The following CYP2A13 variants were observed in gnomAD, a reference collection of about 807,000 sequenced individuals.
CYP2A13 encodes the protein cytochrome P450 2A13.
CYP2A13 carries 30 observed loss-of-function variants against 39.4 expected under a neutral mutation model. The observed-to-expected ratio is 0.76, with a 90% CI of 0.57 to 1.03. The LOEUF (loss-of-function observed/expected upper bound fraction) is 1.03, where lower values mean the gene tolerates loss of function less well. CYP2A13 is among the 50% of genes least tolerant of loss of function. The pLI, the probability that CYP2A13 is intolerant of heterozygous loss-of-function variation, is 0.00. For missense variants in CYP2A13, 731 were observed against 648.4 expected, an observed-to-expected ratio of 1.13 and a Z score of -1.38; for synonymous variants, 269 against 254.7, an observed-to-expected ratio of 1.06 and a Z score of -0.54.
chr19:41,092,017 A>C, intron 5 of CYP2A13, 109 bp downstream of exon 5: 2 of 1,497,696 alleles, frequency 1.3e-6, no homozygotes, highest in Non-Finnish European at 1.8e-6. Flanking sequence ...CCCTCGTCAT[A>C]ATAATCCTTA....
chr19:41,091,910 TA>T lies in CYP2A13; in HGVS notation c.831+3del. The T allele has an allele frequency of 1.9e-6, 3 of 1,613,924 alleles. No individual in the cohort carries two copies. The highest frequency in any genetic ancestry group is 2.5e-6 in the Non-Finnish European group (3 of 1,179,922). Reference sequence around the variant, plus strand: ...TCCTTTCTCATCCGCATGCAGGAGGTACATCCCAGCAGCCAGTGCAGGCAGG... The same window carrying T: ...TCCTTTCTCATCCGCATGCAGGAGGTCATCCCAGCAGCCAGTGCAGGCAGG... On this transcript the variant is annotated splice_donor_region_variant and intron_variant, in intron 5 of 8. Coordinates refer to ENST00000330436, the MANE Select transcript of CYP2A13 (RefSeq NM_000766.5).
intron 4 of CYP2A13, among the ~76,000 whole-genome samples, chr19:41,091,004 T>A (rs1290909273): frequency 6.6e-6 from 1 of 152,188 alleles, no homozygotes; most frequent in Non-Finnish European, 1.5e-5. Context: ...TCTACACAAA[T>A]GTCACAGATT....
chr19:41,095,177 G>A (rs1263628201), intron 8 of CYP2A13, 77 bp downstream of exon 8: 1 of 1,612,474 alleles, frequency 6.2e-7, no homozygotes, highest in Admixed American at 1.7e-5. Context: ...CCTCTCTGCG[G>A]TGTAGCCTGG....
chr19:41,090,832 G>C (rs2144725180), intron 4 of CYP2A13, among the ~76,000 whole-genome samples: 1 of 152,222 alleles, frequency 6.6e-6, no homozygotes, highest in African/African-American at 2.4e-5. Flanking sequence ...TCTCTCACCT[G>C]GGCACATGTT....
Position 41,093,069 on chromosome 19 carries a change from G to A in CYP2A13, c.832-561G>A, listed in dbSNP as rs186142042. Among the ~76,000 whole-genome samples, 5 of 152,186 alleles carry A rather than the reference G, an allele frequency of 3.3e-5. No homozygotes were observed. In the East Asian group the frequency reaches 9.7e-4, roughly 29 times the overall value. Reference sequence around the variant, plus strand: ...CTGTACAAAAAAATGGCTAGGCATGGTGGTGCATGCCTGCGGTCCCAGCTA... The same window carrying A: ...CTGTACAAAAAAATGGCTAGGCATGATGGTGCATGCCTGCGGTCCCAGCTA... On this transcript the variant is annotated intron_variant, in intron 5 of 8. Transcript: ENST00000330436.
chr19:41,095,818 C>T lies in CYP2A13; in HGVS notation c.1362C>T (p.Thr454=). The part of the protein sequence containing the change: ...LARMELFLFF[T]TIMQNFRFKS... ...GAATGGAGCTCTTTCTCTTCTTCAC[C>T]ACCATCATGCAGAACTTTCGCTTCA... The change falls in exon 9 of 9, where the codon ACC becomes ACT. Residue 454 remains threonine (T), a synonymous_variant. Coordinates refer to ENST00000330436, the MANE Select transcript of CYP2A13 (RefSeq NM_000766.5). The T allele has an allele frequency of 6.2e-7, 1 of 1,614,130 alleles. No individual in the cohort carries two copies. Among genetic ancestry groups the T allele is most frequent in the South Asian group, 1.1e-5 (1 of 91,080 alleles).
At chr19:41,095,540 TGG>T (rs2031285189) in intron 8 of CYP2A13, among the ~76,000 whole-genome samples, 1 of 152,194 alleles carries the variant, frequency 6.6e-6, no homozygotes, top group East Asian at 1.9e-4. Flanking sequence ...ATGTAAACTA[TGG>T]ACTTTGGTTA....
chr19:41,093,874 G>A lies in CYP2A13; in HGVS notation c.973+103G>A, dbSNP rs538109813. On this transcript the variant is annotated intron_variant, in intron 6 of 8. Coordinates refer to ENST00000330436, the MANE Select transcript of CYP2A13 (RefSeq NM_000766.5). ...ATCCCAGATCCCAGGACCCTGAGAC[G>A]TGCCTTGCTGTCCAGAGACAGGACA... The A allele has an allele frequency of 1.1e-4, 150 of 1,348,418 alleles. 1 individual carries two copies. The African/African-American group carries it at 1.9e-3, about 17-fold the overall frequency. The allele number at this position is 1,348,418 out of a possible 1,614,324, so 83.5% of individuals were successfully genotyped here.
In CYP2A13 at chr19:41,094,412, C is replaced by T. The variant is rs147797134; in HGVS notation, c.1141C>T (p.Arg381Trp). The T allele has an allele frequency of 1.2e-3, 1,946 of 1,614,084 alleles. 3 individuals carry two copies. Among genetic ancestry groups the T allele is most frequent in the Non-Finnish European group, 1.5e-3 (1,806 of 1,180,004 alleles). Residue 381 changes from arginine to tryptophan, a missense_variant, in exon 7 of 9, where the codon CGG becomes TGG. Coordinates refer to ENST00000330436, the MANE Select transcript of CYP2A13 (RefSeq NM_000766.5). Reference sequence around the variant, plus strand: ...CAGGGTCAACAAGGACACCAAGTTTCGGGATTTCTTCCTCCCTAAGGTGCT... The same window carrying T: ...CAGGGTCAACAAGGACACCAAGTTTTGGGATTTCTTCCTCCCTAAGGTGCT... The part of the protein sequence containing the change: ...AHRVNKDTKF[R>W]DFFLPKGTEV...
rs1260607331 is a variant in CYP2A13, at chr19:41,096,186, A to G, written c.*245A>G. On this transcript the variant is annotated 3_prime_UTR_variant, in exon 9 of 9. Coordinates refer to ENST00000330436, the MANE Select transcript of CYP2A13 (RefSeq NM_000766.5). ...AAGAGTAGTAATAATAGCAGCTCTT[A>G]TTTCCTGAACAAGTACCTCCGTGTC... is the stretch of plus-strand genomic sequence containing the variant. The G allele has an allele frequency of 1.3e-5, 8 of 607,306 alleles. No homozygotes were observed. The highest frequency in any genetic ancestry group is 2.3e-5 in the Non-Finnish European group (8 of 349,338). 37.6% of individuals were successfully genotyped at this position (607,306 alleles called of 1,614,324 possible). A position where few individuals can be genotyped will look rare whatever the true frequency, so the allele number is the denominator to read the frequency against.
intron 6 of CYP2A13, 67 bp from the exon 7 acceptor site, chr19:41,094,178 C>T (rs776868716): frequency 1.3e-5 from 20 of 1,584,294 alleles, no homozygotes; most frequent in Non-Finnish European, 1.6e-5. Flanking sequence ...CCGTGTTTTA[C>T]CTATTCGGAC....
chr19:41,095,838 G>C lies in CYP2A13; in HGVS notation c.1382G>C (p.Arg461Pro), dbSNP rs187221928. ...TTCACCACCATCATGCAGAACTTTC[G>C]CTTCAAGTCCCCTCAGTCGCCTAAG... ...LFFTTIMQNF[R>P]FKSPQSPKDI... Residue 461 changes from arginine (R) to proline (P), a missense_variant, in exon 9 of 9, where the codon CGC becomes CCC. Arg to Pro is a moderately radical substitution (Grantham distance 103). Coordinates refer to ENST00000330436, the MANE Select transcript of CYP2A13 (RefSeq NM_000766.5). 1.9e-6 allele frequency: 3 copies of C among 1,614,044 alleles called. No homozygotes were observed. Among genetic ancestry groups the C allele is most frequent in the African/African-American group, 2.7e-5 (2 of 75,014 alleles).
At chr19:41,094,525 A>T (rs1294459399) in intron 7 of CYP2A13, 93 bp downstream of exon 7, 3 of 1,392,580 alleles carry the variant, frequency 2.2e-6, no homozygotes, top group Non-Finnish European at 3.0e-6. Flanking sequence ...AGTGTTCTAG[A>T]CTCTGTCCCA....
rs1158612378 is a variant in CYP2A13 at position 41,089,403 on chromosome 19, C to T, written c.343+312C>T. On this transcript the variant is annotated intron_variant, in intron 2 of 8. Coordinates refer to ENST00000330436, the MANE Select transcript of CYP2A13 (RefSeq NM_000766.5). ...CTGTTTTCCAGCCCTGGTCCTCTGT[C>T]TTCATTTGTCTTTTTGTCGCTCTCG... Among the ~76,000 whole-genome samples, 6 of 151,998 alleles carry T rather than the reference C, an allele frequency of 3.9e-5. No homozygotes were observed. The South Asian group carries it at 1.0e-3, about 26-fold the overall frequency.
Position 41,090,578 on chromosome 19 carries a change from G to C in CYP2A13, c.654+14G>C, listed in dbSNP as rs1237264134. On this transcript the variant is annotated intron_variant, in intron 4 of 8. Transcript: ENST00000330436. ...TCCACGGGGCAGGTAACTGGCTGCA[G>C]CCCGCCAGTGACGCCCCTACCACAA... The C allele has an allele frequency of 1.9e-6, 3 of 1,613,898 alleles. No homozygotes were observed. Among genetic ancestry groups the C allele is most frequent in the Non-Finnish European group, 2.5e-6 (3 of 1,179,884 alleles).
intron 8 of CYP2A13, 32 bp downstream of exon 8, chr19:41,095,132 G>A (rs1296491118): frequency 1.2e-6 from 2 of 1,613,708 alleles, no homozygotes; most frequent in Non-Finnish European, 1.7e-6. Flanking sequence ...CCAGGCCACG[G>A]CTCACACCAG....
At position 41,092,012 on chromosome 19, in the gene CYP2A13, G is replaced by A. The variant is rs111469896; in HGVS notation, c.831+104G>A. The A allele has an allele frequency of 9.8e-5, 148 of 1,511,920 alleles. 2 individuals carry two copies. The highest frequency in any genetic ancestry group is 8.5e-4 in the South Asian group (66 of 77,266). The allele number at this position is 1,511,920 out of a possible 1,614,324, so 93.7% of individuals were successfully genotyped here. A position where few individuals can be genotyped will look rare whatever the true frequency, so the allele number is the denominator to read the frequency against. ...CACAGGCCCATTCAAATTAGCCCTCGTCATAATAATCCTTACAATTGGCCA... is the reference window on the plus strand; with the variant it reads ...CACAGGCCCATTCAAATTAGCCCTCATCATAATAATCCTTACAATTGGCCA... On this transcript the variant is annotated intron_variant, in intron 5 of 8. Transcript: ENST00000330436.
chr19:41,090,086 G>T lies in CYP2A13; in HGVS notation c.383G>T (p.Arg128Leu), dbSNP rs2031149593. ...AACGGGGAGCGCGCCAAGCAGCTCC[G>T]GCGCTTCTCCATCGCCACCCTAAGG... ...FSNGERAKQL[R>L]RFSIATLRGF... The change falls in exon 3 of 9, where the codon CGG becomes CTG. Residue 128 changes from arginine (R) to leucine (L), a missense_variant. Coordinates refer to ENST00000330436, the MANE Select transcript of CYP2A13 (RefSeq NM_000766.5). 3.7e-6 allele frequency: 6 copies of T among 1,612,818 alleles called. No individual in the cohort carries two copies. Among genetic ancestry groups the T allele is most frequent in the Non-Finnish European group, 5.1e-6 (6 of 1,179,580 alleles).
At chr19:41,094,620 G>T (rs1193311798) in intron 7 of CYP2A13, among the ~76,000 whole-genome samples, 188 bp downstream of exon 7, 4 of 151,972 alleles carry the variant, frequency 2.6e-5, no homozygotes, top group African/African-American at 9.7e-5. Context: ...CCTGCATCTC[G>T]CCAGACTCTT....
Sources: allele counts gnomAD v4.1 joint callset (sites outside exome capture counted in the v4.1 genomes callset), GRCh38; gene constraint gnomAD v4.1.1; transcripts MANE v1.5; gene names NCBI Gene and HGNC (gene_info 2026-07-23, HGNC 2026-07-21).